DPP6: variants seen among roughly 807,000 people sequenced by gnomAD.
The protein encoded by DPP6 is A-type potassium channel modulatory protein DPP6.
Under a neutral mutation model 122.6 loss-of-function variants are expected in DPP6, and 69 were observed. The observed-to-expected ratio is 0.56, with a 90% CI of 0.46 to 0.69. The LOEUF is 0.69. Among genes scored for constraint, DPP6 ranks in the 30% least tolerant of loss-of-function variants. The pLI, the probability that DPP6 is intolerant of heterozygous loss-of-function variation, is 0.00. For missense variants in DPP6, 928 were observed against 1,116.9 expected, an observed-to-expected ratio of 0.83 and a Z score of 2.41; for synonymous variants, 418 against 433.1, an observed-to-expected ratio of 0.97 and a Z score of 0.43.
intron 8 of DPP6, among the ~76,000 whole-genome samples, chr7:154,739,485 G>A (rs1465653401): frequency 1.3e-5 from 2 of 152,190 alleles, no homozygotes; most frequent in Non-Finnish European, 2.9e-5. Context: ...GGCATTGTCT[G>A]CCCGGATCAC....
intron 1 of DPP6, among the ~76,000 whole-genome samples, chr7:154,005,529 A>G (rs1410258920): frequency 4.6e-5 from 7 of 151,726 alleles, no homozygotes; most frequent in Non-Finnish European, 1.5e-5. Context: ...GCTTATCGAA[A>G]AATTAGGCTT....
intron 20 of DPP6, among the ~76,000 whole-genome samples, chr7:154,879,037 T>G (rs1805119980): frequency 6.6e-6 from 1 of 152,218 alleles, no homozygotes. Flanking sequence ...CGCCAGGACA[T>G]CCATCCTTCC....
intron 1 of DPP6, among the ~76,000 whole-genome samples, chr7:154,286,086 A>G (rs1804828117): frequency 6.6e-6 from 1 of 152,208 alleles, no homozygotes; most frequent in African/African-American, 2.4e-5. Flanking sequence ...TAAATATTTC[A>G]TAGTTTGTGT....
chr7:154,750,717 T>C (rs950487797), intron 8 of DPP6, among the ~76,000 whole-genome samples: 1 of 152,030 alleles, frequency 6.6e-6, no homozygotes, highest in Admixed American at 6.6e-5. Context: ...AAGCGTGCCG[T>C]GTGGGAAGGA....
At chr7:153,824,707 A>T in the DPP6 span, among the ~76,000 whole-genome samples, 4 of 152,136 alleles carry the variant, frequency 2.6e-5, no homozygotes, top group Non-Finnish European at 5.9e-5. Context: ...AAATAAAAAA[A>T]AAAAGATGTA....
intron 16 of DPP6, among the ~76,000 whole-genome samples, chr7:154,808,907 C>A (rs544709232): frequency 6.6e-6 from 1 of 152,238 alleles, no homozygotes; most frequent in African/African-American, 2.4e-5. Context: ...CCCCAAGCAA[C>A]AAAGGTTGAA....
intron 1 of DPP6, among the ~76,000 whole-genome samples, chr7:154,036,806 A>G (rs1461592345): frequency 1.2e-4 from 18 of 151,878 alleles, no homozygotes; most frequent in South Asian, 4.2e-4. Flanking sequence ...GGAAGAGGGA[A>G]GGGGGACATA....
intron 1 of DPP6, among the ~76,000 whole-genome samples, chr7:154,445,790 A>G (rs77178011): frequency 2.9e-5 from 4 of 139,508 alleles, no homozygotes; most frequent in South Asian, 2.4e-4. Flanking sequence ...AAAAAAAAAA[A>G]GGGAATGATG....
intron 1 of DPP6, among the ~76,000 whole-genome samples, chr7:154,385,202 C>T (rs1813991552): frequency 6.6e-6 from 1 of 152,168 alleles, no homozygotes. Context: ...ATCTCCTGAC[C>T]TCATGATCCG....
intron 1 of DPP6, among the ~76,000 whole-genome samples, chr7:154,124,909 C>A (rs1019726754): frequency 1.2e-4 from 18 of 152,130 alleles, no homozygotes; most frequent in African/African-American, 4.3e-4. Context: ...TGTTCCGAAC[C>A]TGGAAATGAA....
the DPP6 span, among the ~76,000 whole-genome samples, chr7:153,792,055 C>T: frequency 1.3e-5 from 2 of 152,190 alleles, no homozygotes; most frequent in South Asian, 4.2e-4. Flanking sequence ...ATAAGGATTT[C>T]CCTAATATTT....
At chr7:154,889,395 T>C in intron 24 of DPP6, 51 bp downstream of exon 24, 1 of 1,608,036 alleles carries the variant, frequency 6.2e-7, no homozygotes, top group Non-Finnish European at 8.5e-7. Flanking sequence ...AGCCTCCTCC[T>C]TGATGGCACC....
chr7:154,092,496 T>C (rs1804926500), intron 1 of DPP6: 1 of 148,442 alleles, frequency 6.7e-6, no homozygotes, highest in Non-Finnish European at 1.5e-5. Context: ...TTATGGCCTT[T>C]ACATTTTTCA....
intron 6 of DPP6, among the ~76,000 whole-genome samples, chr7:154,669,138 A>G (rs186244721): frequency 4.1e-4 from 62 of 152,336 alleles, no homozygotes; most frequent in African/African-American, 1.4e-3. Context: ...GGGTTAAGCA[A>G]TGATGGACCT....
At chr7:154,350,471 C>T (rs1810759288) in intron 1 of DPP6, among the ~76,000 whole-genome samples, 1 of 152,158 alleles carries the variant, frequency 6.6e-6, no homozygotes. Flanking sequence ...AGACCCATTA[C>T]TTAAAATGAC....
chr7:154,709,705 A>G (rs1156800813), intron 7 of DPP6, among the ~76,000 whole-genome samples: 1 of 151,386 alleles, frequency 6.6e-6, no homozygotes, highest in Non-Finnish European at 1.5e-5. Context: ...ATCTCAAGCC[A>G]GCGGTTCACT....
intron 1 of DPP6, among the ~76,000 whole-genome samples, chr7:154,438,401 C>T (rs1197579272): frequency 6.5e-5 from 8 of 122,898 alleles, no homozygotes; most frequent in Admixed American, 2.2e-4. Context: ...ACCCAGGAGG[C>T]GGAGCTTGCA....
the DPP6 span, among the ~76,000 whole-genome samples, chr7:153,848,763 TATCA>T: frequency 2.0e-5 from 3 of 152,256 alleles, no homozygotes; most frequent in African/African-American, 7.2e-5. Context: ...TGTGTTGTTA[TATCA>T]ATCCTTTAAG....
chr7:154,640,566 G>A (rs1836014450), intron 6 of DPP6, among the ~76,000 whole-genome samples: 1 of 152,128 alleles, frequency 6.6e-6, no homozygotes, highest in Non-Finnish European at 1.5e-5. Context: ...AATATTGTCA[G>A]AGTCTTATTT....
Sources: gnomAD v4.1 joint callset for allele counts (sites outside exome capture counted in the v4.1 genomes callset) on GRCh38, gnomAD v4.1.1 for gene constraint, MANE v1.5 for transcripts, NCBI Gene and HGNC (gene_info 2026-07-23, HGNC 2026-07-21) for gene names.